Variants in TTN observed in about 807,000 individuals in gnomAD.
The protein encoded by TTN is connectin.
Under a neutral mutation model 3,223.0 loss-of-function variants are expected in TTN, and 1,525 were observed. That is an observed-to-expected ratio of 0.47 (90% confidence interval 0.45 to 0.49). The LOEUF is 0.49. TTN is among the 20% of genes least tolerant of loss of function. TTN has a pLI of 0.00. For missense variants in TTN, 40,786 were observed against 43,424.0 expected, an observed-to-expected ratio of 0.94 and a Z score of 5.40; for synonymous variants, 14,094 against 15,161.0, an observed-to-expected ratio of 0.93 and a Z score of 5.17.
rs2154175937 is a variant in TTN, at chr2:178,579,933, G to C, written c.67348+6C>G. On this transcript the variant is annotated splice_donor_region_variant and intron_variant, in intron 318 of 362. Coordinates refer to ENST00000589042, the MANE Select transcript of TTN (RefSeq NM_001267550.2). ...AAAATGATGGGATGATGGTTCATTT[G>C]CTTACGGGAAGCTTTGACAGCATCA... The C allele has an allele frequency of 6.2e-7, 1 of 1,612,994 alleles. No homozygotes were observed. The highest frequency in any genetic ancestry group is 2.2e-5 in the East Asian group (1 of 44,738).
chr2:178,554,299 G>T, intron 332 of TTN, 83 bp from the exon 333 acceptor site: 1 of 1,457,206 alleles, frequency 6.9e-7, no homozygotes, highest in Non-Finnish European at 9.3e-7. Context: ...TTCTTTCCAA[G>T]AACATTGGTT....
intron 294 of TTN, among the ~76,000 whole-genome samples, chr2:178,597,018 TA>T (rs2051862547): frequency 6.6e-6 from 1 of 152,100 alleles, no homozygotes; most frequent in Admixed American, 6.5e-5. Flanking sequence ...GCGATAGGGG[TA>T]GAGTCTCATG....
In TTN at chr2:178,573,880, A is replaced by T; in HGVS notation, c.72252T>A (p.Ser24084=). ...TTGAATCTTTGTTTACCAGATTAGT[A>T]GAGAAATCTGCAATTTTTATTTCTA... is the stretch of plus-strand genomic sequence containing the variant. ...AKLEIKIADF[S]TNLVNKDSTR... Residue 24084 remains serine, a synonymous_variant, in exon 326 of 363, where the codon TCT becomes TCA. Coordinates refer to ENST00000589042, the MANE Select transcript of TTN (RefSeq NM_001267550.2). 6.2e-7 allele frequency: 1 copy of T among 1,611,460 alleles called. No homozygotes were observed.
chr2:178,749,719 T>TGAGAATTAA, intron 47 of TTN: 1 of 1,613,026 alleles, frequency 6.2e-7, no homozygotes, highest in Non-Finnish European at 8.5e-7. Context: ...ATTTATATTT[T>TGAGAATTAA]CCAGAATCTT....
chr2:178,635,977 C>G lies in TTN; in HGVS notation c.41594G>C (p.Cys13865Ser). 6.3e-7 allele frequency: 1 copy of G among 1,598,558 alleles called. No individual in the cohort carries two copies. The part of the protein sequence containing the change: ...ENANNLECSS[C>S]VKVVEVIRDW... ...AAAGTACTAACCTACTACTTTTACGCAAGATGAACACTCCAGGTTGTTGGC... is the reference window on the plus strand; with the variant it reads ...AAAGTACTAACCTACTACTTTTACGGAAGATGAACACTCCAGGTTGTTGGC... The change falls in exon 226 of 363, where the codon TGC (cysteine) becomes TCC (serine). Residue 13865 changes from cysteine to serine, a missense_variant. Transcript: ENST00000589042.
At position 178,804,613 on chromosome 2, in the gene TTN, C is replaced by G; in HGVS notation, c.30G>C (p.Gln10His). Residue 10 changes from glutamine to histidine, a missense_variant, in exon 2 of 363, where the codon CAG (glutamine) becomes CAC (histidine). Coordinates refer to ENST00000589042, the MANE Select transcript of TTN (RefSeq NM_001267550.2). The stretch of plus-strand genomic sequence containing the variant: ...CCAGTACCACAACGCTTTGTAACGG[C>G]TGCGTAAACGTCGGTGCTTGAGTTG... MTTQAPTFTQPLQSVVVLEG... is the reference protein window; with the variant it reads MTTQAPTFTHPLQSVVVLEG... 1 of 1,613,964 alleles carries G rather than the reference C, an allele frequency of 6.2e-7. No individual in the cohort carries two copies. The highest frequency in any genetic ancestry group is 8.5e-7 in the Non-Finnish European group (1 of 1,179,920).
chr2:178,650,199 G>A lies in TTN; in HGVS notation c.39782C>T (p.Ala13261Val). The A allele has an allele frequency of 6.3e-7, 1 of 1,595,784 alleles. No homozygotes were observed. The highest frequency in any genetic ancestry group is 8.5e-7 in the Non-Finnish European group (1 of 1,170,018). The change falls in exon 210 of 363, where the codon GCA becomes GTA. Residue 13261 changes from alanine to valine, a missense_variant. Transcript: ENST00000589042. Reference sequence around the variant, plus strand: ...TGGAACCTCTGGTTCCTCCTCTTCTGCAACAGGAACTGGCTTTTCCTCTTC... The same window carrying A: ...TGGAACCTCTGGTTCCTCCTCTTCTACAACAGGAACTGGCTTTTCCTCTTC... The part of the protein sequence containing the change: ...APEEEKPVPV[A>V]EEEEPEVPPP...
In TTN at chr2:178,568,547, T is replaced by A. The variant is rs1410859942; in HGVS notation, c.77585A>T (p.Lys25862Met). 1.9e-6 allele frequency: 3 copies of A among 1,613,378 alleles called. No individual in the cohort carries two copies. The highest frequency in any genetic ancestry group is 8.5e-7 in the Non-Finnish European group (1 of 1,179,598). ...GATTCCATATTGTCCACCATCATCC[T>A]TATGAGTTTCTTTAATACTGAGTGT... ...LTTLSIKETH[K>M]DDGGQYGITV... Residue 25862 changes from lysine to methionine, a missense_variant, in exon 326 of 363, where the codon AAG becomes ATG. By Grantham distance (95) the Lys-to-Met change is moderately conservative. Coordinates refer to ENST00000589042, the MANE Select transcript of TTN (RefSeq NM_001267550.2).
chr2:178,527,865 A>G, intron 361 of TTN, 117 bp from the exon 362 acceptor site: 2 of 986,920 alleles, frequency 2.0e-6, no homozygotes, highest in South Asian at 3.9e-5. Context: ...TAACCCAAAC[A>G]ATTTGCTGTT....
At chr2:178,617,636 C>T (rs1224809872) in intron 253 of TTN, 124 bp from the exon 254 acceptor site, 1 of 1,383,208 alleles carries the variant, frequency 7.2e-7, no homozygotes, top group African/African-American at 1.5e-5. Flanking sequence ...AAAGTAGGCA[C>T]AGTCTGGGTT....
intron 240 of TTN, among the ~76,000 whole-genome samples, chr2:178,626,035 C>G (rs1242260038): frequency 6.6e-6 from 1 of 151,870 alleles, no homozygotes; most frequent in East Asian, 1.9e-4. Context: ...TGTGTGCCCC[C>G]ATTCTGCCCC....
chr2:178,617,097 C>A (rs755570301), intron 255 of TTN, 23 bp downstream of exon 255: 14 of 1,610,336 alleles, frequency 8.7e-6, no homozygotes, highest in African/African-American at 1.3e-5. Flanking sequence ...ATTCCCCGAT[C>A]TAAAAATAAA....
At position 178,773,953 on chromosome 2, in the gene TTN, T is replaced by C; in HGVS notation, c.7215A>G (p.Ile2405Met). Residue 2405 changes from isoleucine to methionine, a missense_variant, in exon 31 of 363, where the codon ATA (isoleucine) becomes ATG (methionine). Ile to Met is a conservative substitution (Grantham distance 10). Coordinates refer to ENST00000589042, the MANE Select transcript of TTN (RefSeq NM_001267550.2). ...VQPSDRVHIV[I>M]DKQSHMLLIE... Reference sequence around the variant, plus strand: ...TGAGCAGCATATGAGATTGTTTGTCTATCACAATGTGAACCCTGTCACTGG... The same window carrying C: ...TGAGCAGCATATGAGATTGTTTGTCCATCACAATGTGAACCCTGTCACTGG... 6.2e-7 allele frequency: 1 copy of C among 1,614,136 alleles called. No homozygotes were observed. Among genetic ancestry groups the C allele is most frequent in the Non-Finnish European group, 8.5e-7 (1 of 1,179,994 alleles).
Position 178,532,962 on chromosome 2 carries a change from A to G in TTN, c.103653T>C (p.Thr34551=), listed in dbSNP as rs2154134768. 1 of 1,613,846 alleles carries G rather than the reference A, an allele frequency of 6.2e-7. No homozygotes were observed. The highest frequency in any genetic ancestry group is 8.5e-7 in the Non-Finnish European group (1 of 1,179,854). Residue 34551 remains threonine, a synonymous_variant, in exon 358 of 363, where the codon ACT becomes ACC. Transcript: ENST00000589042. ...DVPEPRKYKQ[T]TIEEDQRIKQ... ...TGATGCGTTGGTCTTCTTCTATGGT[A>G]GTCTGCTTATACTTGCGTGGCTCTG...
At position 178,669,642 on chromosome 2, in the gene TTN, T is replaced by C. The variant is rs2066614473; in HGVS notation, c.35420A>G (p.Glu11807Gly). The C allele has an allele frequency of 6.2e-7, 1 of 1,612,336 alleles. No individual in the cohort carries two copies. The highest frequency in any genetic ancestry group is 1.3e-5 in the African/African-American group (1 of 74,912). ...PEVPKKIVPE[E>G]KVREAVLKKP... Reference sequence around the variant, plus strand: ...TTTCAGAACAGCTTCACGAACTTTTTCTTCTGGGACAATTTTCTTGGGTAC... The same window carrying C: ...TTTCAGAACAGCTTCACGAACTTTTCCTTCTGGGACAATTTTCTTGGGTAC... Residue 11807 changes from glutamate (E) to glycine (G), a missense_variant, in exon 158 of 363, where the codon GAA becomes GGA. Physicochemically the swap from Glu to Gly is moderately conservative, Grantham distance 98. Transcript: ENST00000589042.
At position 178,633,469 on chromosome 2, in the gene TTN, CCTTTAT is replaced by C. The variant is rs370473926; in HGVS notation, c.42884_42889del (p.Asp14295_Lys14296del). On this transcript the variant is annotated inframe_deletion, in exon 232 of 363. Coordinates refer to ENST00000589042, the MANE Select transcript of TTN (RefSeq NM_001267550.2). ...TGTGCCACAGTCACACACATATTCGCCTTTATCTTTAAGGTCCGCCTTTTTGATTTT... is the reference window on the plus strand; with the variant it reads ...TGTGCCACAGTCACACACATATTCGCCTTTAAGGTCCGCCTTTTTGATTTT... The C allele has an allele frequency of 1.2e-6, 2 of 1,613,336 alleles. No individual in the cohort carries two copies. Among genetic ancestry groups the C allele is most frequent in the Admixed American group, 1.7e-5 (1 of 59,980 alleles).
At position 178,662,427 on chromosome 2, in the gene TTN, A is replaced by T; in HGVS notation, c.36959-9T>A. 5 of 1,463,626 alleles carry T rather than the reference A, an allele frequency of 3.4e-6. 1 individual carries two copies. The highest frequency in any genetic ancestry group is 3.6e-6 in the Non-Finnish European group (4 of 1,119,112). 90.7% of individuals were successfully genotyped at this position (1,463,626 alleles called of 1,614,324 possible). On this transcript the variant is annotated splice_polypyrimidine_tract_variant and intron_variant, in intron 176 of 362. Coordinates refer to ENST00000589042, the MANE Select transcript of TTN (RefSeq NM_001267550.2). Reference sequence around the variant, plus strand: ...TTGAGGAACTTCTGGCACTTGAAAGATATTAGTAGTTTTATACTTAGGTTA... The same window carrying T: ...TTGAGGAACTTCTGGCACTTGAAAGTTATTAGTAGTTTTATACTTAGGTTA...
rs1185063715 is a variant in TTN at position 178,537,611 on chromosome 2, C to T, written c.99596G>A (p.Gly33199Asp). 2.5e-6 allele frequency: 4 copies of T among 1,613,620 alleles called. No individual in the cohort carries two copies. The highest frequency in any genetic ancestry group is 3.4e-6 in the Non-Finnish European group (4 of 1,179,660). Residue 33199 changes from glycine to aspartate, a missense_variant, in exon 355 of 363, where the codon GGT becomes GAT. Gly to Asp is a moderately conservative substitution (Grantham distance 94). Transcript: ENST00000589042. ...ATAATATTTCTCTTTCAGTGGGTAA[C>T]CAGGATGGAACTGCGGTGTTGCTTG... ...LLQATPQFHP[G>D]YPLKEKYYGA... is the part of the protein sequence containing the mutation.
Position 178,566,796 on chromosome 2 carries a change from G to C in TTN, c.79336C>G (p.Leu26446Val). ...CNKRRITDLR[L>V]RVTGLTEDHE... ...TCTTCTGTTAATCCTGTCACTCTTA[G>C]ACGCAAATCTGTAATGCGGCGTTTA... The change falls in exon 326 of 363, where the codon CTA becomes GTA. Residue 26446 changes from leucine to valine, a missense_variant. Transcript: ENST00000589042. The C allele has an allele frequency of 6.2e-7, 1 of 1,613,312 alleles. No individual in the cohort carries two copies. The highest frequency in any genetic ancestry group is 2.2e-5 in the East Asian group (1 of 44,786).
Sources: allele counts gnomAD v4.1 joint callset (sites outside exome capture counted in the v4.1 genomes callset), GRCh38; gene constraint gnomAD v4.1.1; transcripts MANE v1.5; gene names NCBI Gene and HGNC (gene_info 2026-07-23, HGNC 2026-07-21).